The following PPP1R13B variants were observed in gnomAD, a reference collection of about 807,000 sequenced individuals.
The protein encoded by PPP1R13B is apoptosis-stimulating of p53 protein 1.
Under a neutral mutation model 119.8 loss-of-function variants are expected in PPP1R13B, and 44 were observed. That is an observed-to-expected ratio of 0.37 (90% confidence interval 0.29 to 0.47). PPP1R13B has a LOEUF of 0.47. PPP1R13B is among the 20% of genes least tolerant of loss of function. PPP1R13B has a pLI of 0.99. For synonymous variants in PPP1R13B, 542 were observed against 561.5 expected (o/e 0.97, Z 0.49); for missense variants, 1,227 against 1,413.5 (o/e 0.87, Z 2.12).
rs2087066619 is a variant in PPP1R13B, at chr14:103,847,162, GCGCCCGCCCAGCCACTTCCTTCCCCGCC to G, written c.9+109_9+136del. Reference sequence around the variant, plus strand: ...CGCCTGGGGGGCGCCGCGGCCGGGCGCGCCCGCCCAGCCACTTCCTTCCCCGCCCGCCCGGCCTCGCACCGGCCCGCGG... The same window carrying G: ...CGCCTGGGGGGCGCCGCGGCCGGGCGCGCCCGGCCTCGCACCGGCCCGCGG... On this transcript the variant is annotated intron_variant, in intron 1 of 16. Transcript: ENST00000202556. 3 of 990,332 alleles carry G rather than the reference GCGCCCGCCCAGCCACTTCCTTCCCCGCC, an allele frequency of 3.0e-6. No individual in the cohort carries two copies. The African/African-American group carries it at 5.3e-5, about 17-fold the overall frequency. 61.3% of individuals were successfully genotyped at this position (990,332 alleles called of 1,614,324 possible).
At chr14:103,807,995 C>T (rs2086058381) in intron 1 of PPP1R13B, among the ~76,000 whole-genome samples, 2 of 151,914 alleles carry the variant, frequency 1.3e-5, no homozygotes, top group African/African-American at 2.4e-5. Flanking sequence ...AATCCCAGCA[C>T]TTTGGGAGAC....
At chr14:103,771,355 T>A (rs1009856808) in intron 4 of PPP1R13B, among the ~76,000 whole-genome samples, 2 of 151,922 alleles carry the variant, frequency 1.3e-5, no homozygotes, top group African/African-American at 4.8e-5. Flanking sequence ...GAGCCAGGAC[T>A]CAACAGTCAG....
At chr14:103,791,403 G>A (rs2085617533) in intron 2 of PPP1R13B, among the ~76,000 whole-genome samples, 1 of 152,106 alleles carries the variant, frequency 6.6e-6, no homozygotes, top group African/African-American at 2.4e-5. Context: ...TATCTGTAGA[G>A]CAAAAAACAA....
At chr14:103,741,126 G>A (rs931260661) in intron 11 of PPP1R13B, among the ~76,000 whole-genome samples, 1 of 152,222 alleles carries the variant, frequency 6.6e-6, no homozygotes, top group East Asian at 1.9e-4. Flanking sequence ...GACTAGGCAC[G>A]TCCAGGAATC....
At position 103,740,280 on chromosome 14, in the gene PPP1R13B, T is replaced by A. The variant is rs1301854128; in HGVS notation, c.2136A>T (p.Thr712=). Residue 712 remains threonine, a synonymous_variant, in exon 12 of 17, where the codon ACA becomes ACT. Transcript: ENST00000202556. This position sits in a 1 kb window ranked among gnomAD's most constrained non-coding sequence, Gnocchi z 4.6. The stretch of plus-strand genomic sequence containing the variant: ...TGGGCCCGCCGGGGCCCTCGGGCTC[T>A]GTGATGGAGCTGCGCTTTTTCAGGG... ...PRPLKKRSSI[T]EPEGPGGPNI... 1 of 1,597,694 alleles carries A rather than the reference T, an allele frequency of 6.3e-7. No homozygotes were observed. The highest frequency in any genetic ancestry group is 1.3e-5 in the African/African-American group (1 of 74,196).
intron 1 of PPP1R13B, among the ~76,000 whole-genome samples, chr14:103,836,835 T>A (rs1043473643): frequency 2.0e-5 from 3 of 150,900 alleles, no homozygotes; most frequent in Non-Finnish European, 4.4e-5. Flanking sequence ...AAAGCCAGAA[T>A]ATACAGTCTC....
chr14:103,791,941 T>G (rs560350711), intron 2 of PPP1R13B, among the ~76,000 whole-genome samples: 1 of 152,296 alleles, frequency 6.6e-6, no homozygotes, highest in East Asian at 1.9e-4. Flanking sequence ...TCACATTGCT[T>G]AGGCTTATCA....
At chr14:103,788,073 A>G (rs1472068611) in intron 2 of PPP1R13B, among the ~76,000 whole-genome samples, 1 of 151,790 alleles carries the variant, frequency 6.6e-6, no homozygotes, top group African/African-American at 2.4e-5. Flanking sequence ...TGACTGCACA[A>G]TGCACTCCAG....
At chr14:103,838,162 T>C (rs2086820720) in intron 1 of PPP1R13B, among the ~76,000 whole-genome samples, 1 of 151,478 alleles carries the variant, frequency 6.6e-6, no homozygotes, top group African/African-American at 2.4e-5. Flanking sequence ...ATAAAAACAT[T>C]TGGTGGTTTC....
At chr14:103,809,712 C>T (rs12880821) in intron 1 of PPP1R13B, among the ~76,000 whole-genome samples, 57,963 of 151,542 alleles carry the variant, frequency 0.38, 11,246 homozygotes, top group Non-Finnish European at 0.41. Flanking sequence ...GTCCCAGACA[C>T]GTGGGGGGCT....
intron 1 of PPP1R13B, among the ~76,000 whole-genome samples, chr14:103,807,968 C>A (rs895524812): frequency 1.3e-5 from 2 of 152,064 alleles, no homozygotes; most frequent in Non-Finnish European, 2.9e-5. Flanking sequence ...AGGCTGGGCA[C>A]AGTGGCTCAT....
intron 3 of PPP1R13B, 107 bp from the exon 4 acceptor site, chr14:103,778,928 C>G: frequency 2.3e-6 from 2 of 856,416 alleles, no homozygotes; most frequent in East Asian, 5.1e-5. Context: ...GTGTAAAATA[C>G]CAGGCTGAGA....
At chr14:103,794,170 C>A (rs1312869301) in intron 2 of PPP1R13B, among the ~76,000 whole-genome samples, 1 of 152,160 alleles carries the variant, frequency 6.6e-6, no homozygotes, top group Non-Finnish European at 1.5e-5. Context: ...GCCACCCAGT[C>A]TGTGGCACTT....
intron 1 of PPP1R13B, chr14:103,847,065 G>T: frequency 4.9e-6 from 5 of 1,015,520 alleles, no homozygotes; most frequent in Non-Finnish European, 5.9e-6. Flanking sequence ...CCGCGGCCGC[G>T]GAGGCCGAGC....
intron 2 of PPP1R13B, among the ~76,000 whole-genome samples, chr14:103,788,138 G>C (rs1159637617): frequency 6.6e-6 from 1 of 150,438 alleles, no homozygotes; most frequent in Non-Finnish European, 1.5e-5. Flanking sequence ...AAAAAAAAAA[G>C]ATTAAAAATG....
At chr14:103,771,173 C>T (rs1380076505) in intron 4 of PPP1R13B, among the ~76,000 whole-genome samples, 1 of 152,136 alleles carries the variant, frequency 6.6e-6, no homozygotes, top group Non-Finnish European at 1.5e-5. Context: ...CTCATGAAAG[C>T]GTCATGATCC....
At chr14:103,841,769 A>C (rs1416597350) in intron 1 of PPP1R13B, among the ~76,000 whole-genome samples, 1 of 152,208 alleles carries the variant, frequency 6.6e-6, no homozygotes, top group African/African-American at 2.4e-5. Flanking sequence ...TTCGGAAATG[A>C]AAGAGTTTAC....
At chr14:103,822,374 A>C (rs1408713019) in intron 1 of PPP1R13B, among the ~76,000 whole-genome samples, 1 of 152,056 alleles carries the variant, frequency 6.6e-6, no homozygotes, top group African/African-American at 2.4e-5. Flanking sequence ...AACTCAGGTG[A>C]TCTGCCCTTC....
chr14:103,846,977 C>A, intron 1 of PPP1R13B: 8 of 1,192,876 alleles, frequency 6.7e-6, no homozygotes, highest in Middle Eastern at 3.7e-4. Flanking sequence ...CGCCACCCAC[C>A]AGACCTGTGC....
Sources: allele counts gnomAD v4.1 joint callset (sites outside exome capture counted in the v4.1 genomes callset), GRCh38; gene constraint gnomAD v4.1.1; non-coding constraint Gnocchi (gnomAD v3.1); transcripts MANE v1.5; gene names NCBI Gene and HGNC (gene_info 2026-07-23, HGNC 2026-07-21).